USP24: variants seen among roughly 807,000 people sequenced by gnomAD.
The protein encoded by USP24 is ubiquitin specific peptidase 24.
A neutral mutation model predicts 361.6 loss-of-function variants in USP24; 97 were observed. The observed-to-expected ratio is 0.27, with a 90% confidence interval of 0.23 to 0.32. The LOEUF (loss-of-function observed/expected upper bound fraction) is 0.32. Ranked by LOEUF, USP24 falls within the 10% of genes least tolerant of loss-of-function variation. USP24 has a pLI of 1.00. For synonymous variants in USP24, 1,098 were observed against 1,124.6 expected (o/e 0.98, Z 0.47); for missense variants, 2,353 against 3,165.6 (o/e 0.74, Z 6.16).
At chr1:55,135,675 C>T (rs183266121) in intron 28 of USP24, among the ~76,000 whole-genome samples, 12 of 151,900 alleles carry the variant, frequency 7.9e-5, no homozygotes. Flanking sequence ...GGTTTATGCT[C>T]TGTAAATTAA....
intron 1 of USP24, among the ~76,000 whole-genome samples, chr1:55,201,438 T>TA (rs1284702319): frequency 6.6e-6 from 1 of 150,700 alleles, no homozygotes; most frequent in African/African-American, 2.4e-5. Flanking sequence ...CCATCTCTAC[T>TA]AAAAATACAA....
At chr1:55,203,687 T>C (rs1644635241) in intron 1 of USP24, among the ~76,000 whole-genome samples, 1 of 152,220 alleles carries the variant, frequency 6.6e-6, no homozygotes, top group Non-Finnish European at 1.5e-5. Context: ...AAAATTCCTC[T>C]ACCACAGGCA....
At chr1:55,133,992 T>C (rs1456473364) in intron 30 of USP24, 78 bp downstream of exon 30, 2 of 1,255,778 alleles carry the variant, frequency 1.6e-6, no homozygotes, top group African/African-American at 1.5e-5. Flanking sequence ...TCATATGACC[T>C]TGATGTGATT....
chr1:55,212,888 G>A (rs1212254657), intron 1 of USP24, among the ~76,000 whole-genome samples: 3 of 152,124 alleles, frequency 2.0e-5, no homozygotes, highest in Admixed American at 6.6e-5. Context: ...TTAATTTACC[G>A]CAAACCAAAC....
At chr1:55,147,593 A>C in intron 18 of USP24, 56 bp downstream of exon 18, 1 of 1,498,730 alleles carries the variant, frequency 6.7e-7, no homozygotes, top group African/African-American at 1.4e-5. Flanking sequence ...TAGTATAAGT[A>C]TAAAAAGGTC....
At chr1:55,160,838 T>C (rs1057511751) in intron 8 of USP24, among the ~76,000 whole-genome samples, 1 of 152,190 alleles carries the variant, frequency 6.6e-6, no homozygotes, top group African/African-American at 2.4e-5. Context: ...CTGACCCTGA[T>C]TATTAAAGTA....
intron 63 of USP24, among the ~76,000 whole-genome samples, chr1:55,074,785 G>T (rs757896031): frequency 5.9e-5 from 9 of 152,058 alleles, no homozygotes; most frequent in Non-Finnish European, 1.0e-4. Context: ...CCAAAGGGTG[G>T]CCTGAAAAGC....
chr1:55,072,304 A>G lies in USP24; in HGVS notation c.7689+13T>C, dbSNP rs761150290. ...GTGATTTAGACCACGCAAAAACAAG[A>G]GACAACTCTCACCTGAGCTGAAATG... On this transcript the variant is annotated intron_variant, in intron 66 of 67. Coordinates refer to ENST00000294383, the MANE Select transcript of USP24 (RefSeq NM_015306.3). 5.0e-6 allele frequency: 8 copies of G among 1,611,110 alleles called. No individual in the cohort carries two copies. The highest frequency in any genetic ancestry group is 6.8e-6 in the Non-Finnish European group (8 of 1,178,628).
rs554568604 is a variant in USP24, at chr1:55,081,365, C to T, written c.7035G>A (p.Ala2345=). The T allele has an allele frequency of 6.1e-5, 99 of 1,613,656 alleles. No homozygotes were observed. Among genetic ancestry groups the T allele is most frequent in the Admixed American group, 2.2e-4 (13 of 60,002 alleles). ...REFGNLHNTV[A]LLVLHSDVSS... is the part of the protein sequence containing the mutation. ...AGACATCTGAATGCAAAACAAGTAA[C>T]GCCACTGTATTGTGAAGATTCCCAA... Residue 2345 remains alanine (A), a synonymous_variant, in exon 59 of 68, where the codon GCG becomes GCA. Coordinates refer to ENST00000294383, the MANE Select transcript of USP24 (RefSeq NM_015306.3).
chr1:55,206,237 C>T (rs1344522726), intron 1 of USP24, among the ~76,000 whole-genome samples: 1 of 152,164 alleles, frequency 6.6e-6, no homozygotes, highest in Non-Finnish European at 1.5e-5. Flanking sequence ...CTGCTCAATG[C>T]CTAATGGGAA....
At position 55,071,997 on chromosome 1, in the gene USP24, T is replaced by C; in HGVS notation, c.7690-73A>G. The C allele has an allele frequency of 5.3e-6, 7 of 1,326,728 alleles. No homozygotes were observed. In the South Asian group the frequency reaches 6.3e-5, roughly 12 times the overall value. 82.2% of individuals were successfully genotyped at this position (1,326,728 alleles called of 1,614,324 possible). On this transcript the variant is annotated intron_variant, in intron 66 of 67. Transcript: ENST00000294383. ...GGCAGCAGCAACCGCCAGGGAAGACTACCTTTCATCTGACCTTCAGTGGGA... is the reference window on the plus strand; with the variant it reads ...GGCAGCAGCAACCGCCAGGGAAGACCACCTTTCATCTGACCTTCAGTGGGA...
intron 64 of USP24, 124 bp downstream of exon 64, chr1:55,073,704 G>A: frequency 1.1e-6 from 1 of 877,372 alleles, no homozygotes; most frequent in Non-Finnish European, 1.8e-6. Context: ...TACCTTCCAA[G>A]CAAGCAGGCC....
At chr1:55,125,218 T>C in intron 34 of USP24, 102 bp downstream of exon 34, 1 of 1,129,814 alleles carries the variant, frequency 8.9e-7, no homozygotes, top group Middle Eastern at 2.0e-4. Context: ...TTGAAGGCAA[T>C]ATTCATGTCT....
intron 5 of USP24, among the ~76,000 whole-genome samples, chr1:55,170,357 A>G (rs1649321434): frequency 6.6e-6 from 1 of 152,114 alleles, no homozygotes; most frequent in Non-Finnish European, 1.5e-5. Context: ...AAAAAAAGAG[A>G]ATGAACATCT....
intron 1 of USP24, among the ~76,000 whole-genome samples, chr1:55,207,356 A>G (rs935950688): frequency 4.6e-5 from 7 of 152,164 alleles, no homozygotes; most frequent in African/African-American, 1.7e-4. Flanking sequence ...CAGAAACTGA[A>G]AAGTCTTGGA....
Position 55,068,419 on chromosome 1 carries a change from C to T in USP24, c.*626G>A, listed in dbSNP as rs76505776. 6.6e-6 allele frequency: 1 copy of T among 152,236 alleles called. No individual in the cohort carries two copies. Among genetic ancestry groups the T allele is most frequent in the African/African-American group, 2.4e-5 (1 of 41,550 alleles). The allele number at this position is 152,236 out of a possible 1,614,324, so 9.4% of individuals were successfully genotyped here. A position where few individuals can be genotyped will look rare whatever the true frequency, so the allele number is the denominator to read the frequency against. ...TATTTCCCAATTTTTGATCCTGATCCTGGTAACCTTTCATCAAGATCCAAG... is the reference window on the plus strand; with the variant it reads ...TATTTCCCAATTTTTGATCCTGATCTTGGTAACCTTTCATCAAGATCCAAG... On this transcript the variant is annotated 3_prime_UTR_variant, in exon 68 of 68. Transcript: ENST00000294383.
intron 38 of USP24, among the ~76,000 whole-genome samples, chr1:55,113,408 A>G (rs1265071249): frequency 6.6e-6 from 1 of 152,184 alleles, no homozygotes; most frequent in Non-Finnish European, 1.5e-5. Flanking sequence ...CCAACCAAAA[A>G]AGGCCCAGGA....
chr1:55,155,390 C>A (rs1242710655), intron 12 of USP24, among the ~76,000 whole-genome samples: 1 of 152,138 alleles, frequency 6.6e-6, no homozygotes, highest in Admixed American at 6.6e-5. Flanking sequence ...TTTTTAGATT[C>A]AATTCCTTAA....
chr1:55,112,468 G>A (rs145674448), intron 38 of USP24, among the ~76,000 whole-genome samples: 2,583 of 152,240 alleles, frequency 0.017, 46 homozygotes, highest in African/African-American at 0.04. Flanking sequence ...ATTCTGGTAC[G>A]TTGTGTCTTT....
Sources: gnomAD v4.1 joint callset for allele counts (sites outside exome capture counted in the v4.1 genomes callset) on GRCh38, gnomAD v4.1.1 for gene constraint, MANE v1.5 for transcripts, NCBI Gene and HGNC (gene_info 2026-07-23, HGNC 2026-07-21) for gene names.